The following GPD2 variants were observed in gnomAD, a reference collection of about 807,000 sequenced individuals.
The protein encoded by GPD2 is glycerol-3-phosphate dehydrogenase 2, also known as glycerol-3-phosphate dehydrogenase, mitochondrial.
Under a neutral mutation model 82.4 loss-of-function variants are expected in GPD2, and 54 were observed. The observed-to-expected ratio is 0.66, with a 90% CI of 0.53 to 0.82. The LOEUF (loss-of-function observed/expected upper bound fraction) is 0.82. GPD2 is among the 40% of genes least tolerant of loss of function. The pLI, the probability that GPD2 is intolerant of heterozygous loss-of-function variation, is 0.00. For missense variants in GPD2, 748 were observed against 896.2 expected, an observed-to-expected ratio of 0.83 and a Z score of 2.11; for synonymous variants, 288 against 306.1, an observed-to-expected ratio of 0.94 and a Z score of 0.62.
At chr2:156,423,056 G>A in the GPD2 span, among the ~76,000 whole-genome samples, 1 of 152,104 alleles carries the variant, frequency 6.6e-6, no homozygotes, top group African/African-American at 2.4e-5. Context: ...TATCTTTACA[G>A]TAATCCATGG....
At chr2:156,418,173 C>G in the GPD2 span, among the ~76,000 whole-genome samples, 1 of 151,970 alleles carries the variant, frequency 6.6e-6, no homozygotes, top group Non-Finnish European at 1.5e-5. Flanking sequence ...GGAGATTGAG[C>G]CACTGCACTC....
At chr2:156,464,992 A>G (rs541337439) in intron 1 of GPD2, among the ~76,000 whole-genome samples, 10 of 152,108 alleles carry the variant, frequency 6.6e-5, no homozygotes, top group African/African-American at 2.4e-4. Flanking sequence ...CTGGGACTAC[A>G]GGCACCCATC....
chr2:156,536,178 G>A (rs1686072067), intron 6 of GPD2, among the ~76,000 whole-genome samples: 1 of 152,162 alleles, frequency 6.6e-6, no homozygotes, highest in Non-Finnish European at 1.5e-5. Flanking sequence ...TGAACATACG[G>A]TCACGTCAAA....
chr2:156,424,011 G>T, the GPD2 span, among the ~76,000 whole-genome samples: 1 of 152,194 alleles, frequency 6.6e-6, no homozygotes, highest in Non-Finnish European at 1.5e-5. Context: ...CCAGTAAATA[G>T]CCCTTAATAT....
chr2:156,430,353 A>G (rs1688303863), upstream of GPD2, among the ~76,000 whole-genome samples: 1 of 152,204 alleles, frequency 6.6e-6, no homozygotes, highest in African/African-American at 2.4e-5. Context: ...AAAAAAAAAC[A>G]GAAAAACAAA....
intron 3 of GPD2, among the ~76,000 whole-genome samples, chr2:156,500,115 A>G (rs1439505488): frequency 1.3e-5 from 2 of 152,064 alleles, no homozygotes; most frequent in African/African-American, 4.8e-5. Flanking sequence ...TTTAATTTTT[A>G]CAGTTAACAG....
chr2:156,581,788 T>A (rs1688033450), intron 16 of GPD2, among the ~76,000 whole-genome samples: 1 of 152,086 alleles, frequency 6.6e-6, no homozygotes, highest in Non-Finnish European at 1.5e-5. Context: ...TGAAACAGCT[T>A]TTAATAAGGT....
At position 156,496,222 on chromosome 2, in the gene GPD2, C is replaced by A; in HGVS notation, c.274+7C>A. The A allele has an allele frequency of 7.4e-7, 1 of 1,353,558 alleles. No homozygotes were observed. The highest frequency in any genetic ancestry group is 1.0e-6 in the Non-Finnish European group (1 of 976,140). 83.8% of individuals were successfully genotyped at this position (1,353,558 alleles called of 1,614,324 possible). A position where few individuals can be genotyped will look rare whatever the true frequency, so the allele number is the denominator to read the frequency against. On this transcript the variant is annotated splice_region_variant and intron_variant, in intron 3 of 16. Coordinates refer to ENST00000438166, the MANE Select transcript of GPD2 (RefSeq NM_000408.5). ...CTAGATGCTGTCACCAGAGGTAAGT[C>A]TTTTTTTTTTTTATTTTAATTTTAA...
chr2:156,515,859 A>G (rs887080794), intron 6 of GPD2, among the ~76,000 whole-genome samples: 3 of 152,240 alleles, frequency 2.0e-5, no homozygotes, highest in Non-Finnish European at 4.4e-5. Context: ...CAAAACAAGC[A>G]TGTGCAACAG....
chr2:156,519,843 A>G (rs752245713), intron 6 of GPD2, among the ~76,000 whole-genome samples: 5 of 152,206 alleles, frequency 3.3e-5, no homozygotes, highest in Non-Finnish European at 7.3e-5. Flanking sequence ...GGCAGCATCT[A>G]GGGGTGTGTT....
At chr2:156,512,472 A>T (rs1685037725) in intron 5 of GPD2, among the ~76,000 whole-genome samples, 155 bp downstream of exon 5, 1 of 152,198 alleles carries the variant, frequency 6.6e-6, no homozygotes, top group African/African-American at 2.4e-5. Context: ...TGTTGTATTT[A>T]AAAGTATGGC....
chr2:156,577,850 G>A (rs1294601256), intron 13 of GPD2, among the ~76,000 whole-genome samples: 1 of 152,150 alleles, frequency 6.6e-6, no homozygotes, highest in African/African-American at 2.4e-5. Context: ...TCTCATCTGA[G>A]ATGTGCCCTT....
chr2:156,513,605 C>A, intron 6 of GPD2, 109 bp downstream of exon 6: 1 of 850,918 alleles, frequency 1.2e-6, no homozygotes, highest in Non-Finnish European at 1.9e-6. Context: ...ACTAATCTTA[C>A]ACAACACACA....
At chr2:156,494,848 G>A (rs776177559) in intron 2 of GPD2, among the ~76,000 whole-genome samples, 6 of 152,202 alleles carry the variant, frequency 3.9e-5, no homozygotes, top group African/African-American at 7.2e-5. Context: ...CCTAGTATTA[G>A]CATTTTGGAA....
intron 6 of GPD2, among the ~76,000 whole-genome samples, chr2:156,541,799 TC>T (rs1686322051): frequency 2.0e-5 from 3 of 150,142 alleles, no homozygotes; most frequent in Non-Finnish European, 4.4e-5. Flanking sequence ...TCCTTTTTCT[TC>T]CTTAAACGTA....
intron 2 of GPD2, among the ~76,000 whole-genome samples, chr2:156,494,105 A>G (rs1458498005): frequency 2.6e-5 from 4 of 152,202 alleles, no homozygotes; most frequent in Admixed American, 2.6e-4. Context: ...ATTAGCAGAT[A>G]ATTAAAAGAA....
intron 16 of GPD2, 54 bp from the exon 17 acceptor site, chr2:156,582,736 TGAA>T: frequency 6.3e-7 from 1 of 1,589,848 alleles, no homozygotes; most frequent in Admixed American, 1.7e-5. Flanking sequence ...TATGATGCCA[TGAA>T]GAAGAGAGTA....
At chr2:156,433,471 C>T (rs1466066451), upstream of GPD2, among the ~76,000 whole-genome samples, 1 of 152,176 alleles carries the variant, frequency 6.6e-6, no homozygotes, top group African/African-American at 2.4e-5. Flanking sequence ...CTCCAACTCC[C>T]TATGATTTCA....
upstream of GPD2, among the ~76,000 whole-genome samples, chr2:156,433,210 G>T (rs1427816015): frequency 6.6e-6 from 1 of 152,152 alleles, no homozygotes; most frequent in Non-Finnish European, 1.5e-5. Flanking sequence ...GGTGGTAACA[G>T]CCCATTCCCA....
Sources: allele counts gnomAD v4.1 joint callset (sites outside exome capture counted in the v4.1 genomes callset), GRCh38; gene constraint gnomAD v4.1.1; transcripts MANE v1.5; gene names NCBI Gene and HGNC (gene_info 2026-07-23, HGNC 2026-07-21).